The following DST variants were observed in gnomAD, a reference collection of about 807,000 sequenced individuals.
The protein encoded by DST is dystonin.
A neutral mutation model predicts 875.2 loss-of-function variants in DST; 253 were observed. That is an observed-to-expected ratio of 0.29 (90% CI 0.26 to 0.32). The LOEUF (loss-of-function observed/expected upper bound fraction) is 0.32. Ranked by LOEUF, DST falls within the 10% of genes least tolerant of loss-of-function variation. The pLI, the probability that DST is intolerant of heterozygous loss-of-function variation, is 1.00. For missense variants in DST, 8,287 were observed against 9,111.6 expected (o/e 0.91, Z 3.68); for synonymous variants, 3,124 against 3,197.1 (o/e 0.98, Z 0.77).
rs774919936 is a variant in DST, at chr6:56,616,776, T to C, written c.4930-2292A>G. On this transcript the variant is annotated intron_variant, in intron 36 of 103. Transcript: ENST00000680361. Reference sequence around the variant, plus strand: ...TGTCTGTCAAGCATTCTATTTTCCATAGCTTGAAACACTGACAATGTCTTA... The same window carrying C: ...TGTCTGTCAAGCATTCTATTTTCCACAGCTTGAAACACTGACAATGTCTTA... The C allele has an allele frequency of 3.0e-5, 49 of 1,614,084 alleles. No homozygotes were observed. Among genetic ancestry groups the C allele is most frequent in the South Asian group, 1.9e-4 (17 of 91,092 alleles).
intron 2 of DST, among the ~76,000 whole-genome samples, chr6:56,942,509 G>T (rs1817130978): frequency 1.3e-5 from 2 of 151,760 alleles, no homozygotes; most frequent in African/African-American, 4.8e-5. Context: ...GTTAAAATAT[G>T]CATCCTTAAC....
At chr6:56,919,212 G>T (rs1802832620) in intron 2 of DST, among the ~76,000 whole-genome samples, 1 of 152,004 alleles carries the variant, frequency 6.6e-6, no homozygotes, top group African/African-American at 2.4e-5. Flanking sequence ...ATTCAAAACT[G>T]CCAATCTTTT....
chr6:56,883,880 A>C (rs1026910367), intron 3 of DST, among the ~76,000 whole-genome samples: 1 of 152,158 alleles, frequency 6.6e-6, no homozygotes, highest in Non-Finnish European at 1.5e-5. Flanking sequence ...AAATAAAAAT[A>C]CCATTATCAA....
intron 4 of DST, among the ~76,000 whole-genome samples, chr6:56,749,391 T>G (rs1186288230): frequency 6.6e-6 from 1 of 152,106 alleles, no homozygotes; most frequent in Non-Finnish European, 1.5e-5. Flanking sequence ...GCTCTTGCCT[T>G]TCTCTGATAC....
chr6:56,749,942 C>A (rs2099582559), intron 4 of DST, among the ~76,000 whole-genome samples: 1 of 152,166 alleles, frequency 6.6e-6, no homozygotes, highest in African/African-American at 2.4e-5. Flanking sequence ...CCCCAGTGGG[C>A]TTTAGGAACC....
Position 56,639,057 on chromosome 6 carries a change from G to T in DST, c.2964+202C>A, listed in dbSNP as rs140617463. ...TTCTCAGCCACAGAGGCTGACAAGG[G>T]TACTTTTATTCTAAGTGATGGGTGA... On this transcript the variant is annotated intron_variant, in intron 22 of 103. Coordinates refer to ENST00000680361, the MANE Select transcript of DST (RefSeq NM_001374736.1). 3.4e-3 allele frequency: 2,084 copies of T among 611,576 alleles called. 5 individuals are homozygous for T. The highest frequency in any genetic ancestry group is 4.7e-3 in the Non-Finnish European group (1,639 of 345,480). The allele number at this position is 611,576 out of a possible 1,614,324, so 37.9% of individuals were successfully genotyped here.
chr6:56,738,240 A>G (rs1431897819), intron 4 of DST, among the ~76,000 whole-genome samples: 1 of 152,212 alleles, frequency 6.6e-6, no homozygotes, highest in Non-Finnish European at 1.5e-5. Context: ...TTCTTATTTA[A>G]AAATTAGATA....
Position 56,493,080 on chromosome 6 carries a change from C to T in DST, c.20404G>A (p.Glu6802Lys). 1.2e-6 allele frequency: 2 copies of T among 1,610,316 alleles called. No homozygotes were observed. The highest frequency in any genetic ancestry group is 1.7e-6 in the Non-Finnish European group (2 of 1,178,082). The change falls in exon 84 of 104, where the codon GAA becomes AAA. Residue 6802 changes from glutamate to lysine, a missense_variant. Glu to Lys is a moderately conservative substitution (Grantham distance 56). This residue lies in a region of DST where 1,292 missense variants were observed against 1,552.7 expected (regional missense o/e 0.83). Coordinates refer to ENST00000680361, the MANE Select transcript of DST (RefSeq NM_001374736.1). Reference protein sequence around the residue: ...TKLNERKTKLEEALNLAMEFH... With the variant: ...TKLNERKTKLKEALNLAMEFH... Reference sequence around the variant, plus strand: ...TCCATTGCCAAGTTGAGAGCCTCTTCCAGTTTAGTCTGCAAGGACAGATTG... The same window carrying T: ...TCCATTGCCAAGTTGAGAGCCTCTTTCAGTTTAGTCTGCAAGGACAGATTG...
intron 4 of DST, among the ~76,000 whole-genome samples, chr6:56,811,340 A>G (rs2099759720): frequency 1.3e-5 from 2 of 152,072 alleles, no homozygotes; most frequent in Admixed American, 1.3e-4. Flanking sequence ...ATCCAGAGAA[A>G]AGCCAGGTCC....
At chr6:56,843,383 G>C (rs553209822) in intron 4 of DST, 17 of 1,151,540 alleles carry the variant, frequency 1.5e-5, no homozygotes, top group Non-Finnish European at 1.8e-5. Context: ...GCCCGGCTCC[G>C]GGAGCCCGAG....
At position 56,607,354 on chromosome 6, in the gene DST, T is replaced by A; in HGVS notation, c.7274A>T (p.Asp2425Val). 6.2e-7 allele frequency: 1 copy of A among 1,613,134 alleles called. No homozygotes were observed. Among genetic ancestry groups the A allele is most frequent in the Non-Finnish European group, 8.5e-7 (1 of 1,179,648 alleles). ...GGGGGAATAGTCAAAGATAGGTGAA[T>A]CCCTGTTTGTATTATCTTCATTCTC... ...ETENEDNTNR[D>V]SPIFDYSPRL... Residue 2425 changes from aspartate to valine, a missense_variant, in exon 40 of 104, where the codon GAT (aspartate) becomes GTT (valine). Physicochemically the swap from Asp to Val is radical, Grantham distance 152 (BLOSUM62 -3). This residue lies in a region of DST where 3,138 missense variants were observed against 3,116.6 expected (regional missense o/e 1.01). Transcript: ENST00000680361.
At chr6:56,584,694 C>A (rs554136474) in intron 49 of DST, among the ~76,000 whole-genome samples, 73 of 150,768 alleles carry the variant, frequency 4.8e-4, no homozygotes, top group Middle Eastern at 3.4e-3. Flanking sequence ...GAATGCTTCC[C>A]GTTTTTGCCC....
chr6:56,636,709 C>T, intron 22 of DST, 57 bp from the exon 23 acceptor site: 2 of 1,307,662 alleles, frequency 1.5e-6, no homozygotes, highest in Non-Finnish European at 2.2e-6. Flanking sequence ...GCACACATAC[C>T]TTTTGATATC....
At position 56,526,609 on chromosome 6, in the gene DST, A is replaced by G. The variant is rs373700443; in HGVS notation, c.17923-42T>C. The G allele has an allele frequency of 1.4e-5, 22 of 1,577,904 alleles. No homozygotes were observed. The African/African-American group carries it at 3.0e-4, about 21-fold the overall frequency. On this transcript the variant is annotated intron_variant, in intron 68 of 103. Transcript: ENST00000680361. ...AAGTTAGTAACACTTAAGAGCTTCAACAGACTTTTCCTTTAACTGTTCTTG... is the reference window on the plus strand; with the variant it reads ...AAGTTAGTAACACTTAAGAGCTTCAGCAGACTTTTCCTTTAACTGTTCTTG...
At chr6:56,859,036 A>G (rs1288195523) in intron 3 of DST, among the ~76,000 whole-genome samples, 2 of 152,202 alleles carry the variant, frequency 1.3e-5, no homozygotes, top group Non-Finnish European at 2.9e-5. Context: ...ATATACTCAC[A>G]GCCCTAAAGA....
intron 5 of DST, among the ~76,000 whole-genome samples, chr6:56,715,808 G>T (rs1410958465): frequency 6.6e-6 from 1 of 152,078 alleles, no homozygotes; most frequent in African/African-American, 2.4e-5. Context: ...GAGCTCAGAG[G>T]AACTTTGTAC....
chr6:56,578,531 A>G (rs567653952), intron 50 of DST, among the ~76,000 whole-genome samples: 9 of 152,340 alleles, frequency 5.9e-5, no homozygotes, highest in Admixed American at 5.2e-4. Context: ...GTGAAGTTCT[A>G]CTTCCTGTGG....
chr6:56,705,185 T>C (rs998790924), intron 5 of DST, among the ~76,000 whole-genome samples: 1 of 152,192 alleles, frequency 6.6e-6, no homozygotes, highest in Non-Finnish European at 1.5e-5. Flanking sequence ...TCAAAGCAGG[T>C]ATTAAGATGG....
At chr6:56,768,505 A>G (rs571999417) in intron 4 of DST, among the ~76,000 whole-genome samples, 7 of 152,352 alleles carry the variant, frequency 4.6e-5, no homozygotes, top group Admixed American at 1.3e-4. Flanking sequence ...AAAATATACA[A>G]ATTTAGGCAC....
Sources: allele counts gnomAD v4.1 joint callset (sites outside exome capture counted in the v4.1 genomes callset), GRCh38; gene constraint gnomAD v4.1.1; regional missense constraint gnomAD v4.1.1; transcripts MANE v1.5; gene names NCBI Gene and HGNC (gene_info 2026-07-23, HGNC 2026-07-21).